The following SMYD3 variants were observed in gnomAD, a reference collection of about 807,000 sequenced individuals.
The protein encoded by SMYD3 is histone-lysine N-methyltransferase SMYD3.
SMYD3 carries 36 observed loss-of-function variants against 57.7 expected under a neutral mutation model. That is an observed-to-expected ratio of 0.62 (90% CI 0.48 to 0.82). The LOEUF (loss-of-function observed/expected upper bound fraction) is 0.82. Ranked by LOEUF, SMYD3 falls within the 40% of genes least tolerant of loss-of-function variation. The probability of loss-of-function intolerance (pLI) is 0.00; values close to 1 mark genes in which losing one functional copy is unlikely to be tolerated. For missense variants in SMYD3, 515 were observed against 538.8 expected (o/e 0.96, Z 0.44); for synonymous variants, 211 against 195.0 (o/e 1.08, Z -0.68).
chr1:246,387,056 G>A (rs1247125473), intron 1 of SMYD3, among the ~76,000 whole-genome samples: 1 of 152,104 alleles, frequency 6.6e-6, no homozygotes. Context: ...AATACAGCAA[G>A]CAGACTGCTT....
At chr1:246,444,382 C>T (rs1026833153) in intron 1 of SMYD3, among the ~76,000 whole-genome samples, 9 of 152,120 alleles carry the variant, frequency 5.9e-5, no homozygotes, top group East Asian at 1.9e-4. Flanking sequence ...CCTCGGCCTC[C>T]CAAAGTGCTG....
chr1:245,830,747 T>C (rs926200628), intron 10 of SMYD3, among the ~76,000 whole-genome samples: 3 of 152,180 alleles, frequency 2.0e-5, no homozygotes, highest in Non-Finnish European at 4.4e-5. Flanking sequence ...TACAGTTTGC[T>C]AGAGTGGCAC....
chr1:246,317,946 C>T (rs2065191690), intron 5 of SMYD3, among the ~76,000 whole-genome samples: 1 of 152,112 alleles, frequency 6.6e-6, no homozygotes, highest in African/African-American at 2.4e-5. Context: ...AGTTATTCAT[C>T]ATTCCTTGAA....
intron 1 of SMYD3, among the ~76,000 whole-genome samples, chr1:246,387,184 C>T (rs1313089397): frequency 1.3e-5 from 2 of 152,150 alleles, no homozygotes; most frequent in African/African-American, 4.8e-5. Context: ...CCGCATGAGG[C>T]AACGTACTTA....
intron 5 of SMYD3, among the ~76,000 whole-genome samples, chr1:246,205,001 C>T (rs12086621): frequency 0.13 from 20,133 of 152,126 alleles, 3,477 homozygotes; most frequent in African/African-American, 0.39. Context: ...TCCTGAGATA[C>T]CAGTGTGCTG....
At chr1:245,752,147 A>G (rs2045412332) in intron 11 of SMYD3, among the ~76,000 whole-genome samples, 1 of 152,050 alleles carries the variant, frequency 6.6e-6, no homozygotes, top group Non-Finnish European at 1.5e-5. Flanking sequence ...ACTTGAAAGC[A>G]CTCTTAGATG....
intron 1 of SMYD3, among the ~76,000 whole-genome samples, chr1:246,389,910 T>A (rs1367617501): frequency 1.3e-5 from 2 of 152,176 alleles, no homozygotes; most frequent in African/African-American, 4.8e-5. Context: ...GCTTCTACCC[T>A]ACACTCAGCT....
chr1:245,936,233 A>C (rs1233637889), intron 5 of SMYD3, among the ~76,000 whole-genome samples: 2 of 152,240 alleles, frequency 1.3e-5, no homozygotes, highest in African/African-American at 4.8e-5. Context: ...TAAAATGATA[A>C]TTCTATAAAT....
At chr1:245,869,889 C>A (rs1002332760) in intron 8 of SMYD3, among the ~76,000 whole-genome samples, 2 of 152,306 alleles carry the variant, frequency 1.3e-5, no homozygotes. Context: ...ACAGCCCCTG[C>A]TGTACTCTAT....
At chr1:246,506,454 T>C in intron 1 of SMYD3, among the ~76,000 whole-genome samples, 1 of 152,186 alleles carries the variant, frequency 6.6e-6, no homozygotes, top group Non-Finnish European at 1.5e-5. Context: ...ATTTCAGCCC[T>C]TCTGGTACAC....
intron 1 of SMYD3, among the ~76,000 whole-genome samples, chr1:246,364,281 T>G (rs547231728): frequency 3.1e-4 from 47 of 151,036 alleles, no homozygotes; most frequent in African/African-American, 1.1e-3. Context: ...ATGGTAAAAT[T>G]CACAGTGACA....
intron 5 of SMYD3, among the ~76,000 whole-genome samples, chr1:246,029,458 G>T (rs1383322173): frequency 6.6e-6 from 1 of 152,040 alleles, no homozygotes; most frequent in African/African-American, 2.4e-5. Flanking sequence ...GATCACCTGA[G>T]GTCAGGAGTT....
At chr1:246,124,332 T>C (rs2061472025) in intron 5 of SMYD3, among the ~76,000 whole-genome samples, 1 of 150,462 alleles carries the variant, frequency 6.6e-6, no homozygotes, top group African/African-American at 2.5e-5. Flanking sequence ...TCCAAATGAA[T>C]GAATGAATGA....
chr1:246,391,104 A>T (rs1197055951), intron 1 of SMYD3, among the ~76,000 whole-genome samples: 1 of 151,900 alleles, frequency 6.6e-6, no homozygotes, highest in Non-Finnish European at 1.5e-5. Context: ...AGCAAGCTTC[A>T]GCTGGGTGCG....
chr1:246,325,021 GGGAAGGAGGGAGAAGGAGTCGGGGGGCA>G lies in SMYD3; in HGVS notation c.531+2152_531+2179del, dbSNP rs1558402049. Among the ~76,000 whole-genome samples the G allele has an allele frequency of 7.2e-4, 27 of 37,286 alleles. 2 individuals are homozygous for G. Among genetic ancestry groups the G allele is most frequent in the East Asian group, 2.5e-3 (2 of 794 alleles). 24.5% of individuals were successfully genotyped at this position (37,286 alleles called of 152,430 possible). A position where few individuals can be genotyped will look rare whatever the true frequency, so the allele number is the denominator to read the frequency against. On this transcript the variant is annotated intron_variant, in intron 5 of 11. Coordinates refer to ENST00000490107, the MANE Select transcript of SMYD3 (RefSeq NM_001167740.2). Reference sequence around the variant, plus strand: ...AGGAGGGAGAAGGAGTCGGGGGAGCGGGAAGGAGGGAGAAGGAGTCGGGGGGCAGGAAGGAGGGAGAAGGAGTCGCGGG... The same window carrying G: ...AGGAGGGAGAAGGAGTCGGGGGAGCGGGAAGGAGGGAGAAGGAGTCGCGGG...
intron 1 of SMYD3, among the ~76,000 whole-genome samples, chr1:246,384,653 T>A (rs60016752): frequency 0.044 from 6,735 of 152,256 alleles, 209 homozygotes; most frequent in Middle Eastern, 0.092. Flanking sequence ...CGCCTCGGCC[T>A]CCCAAAGTGC....
rs1192054829 is a variant in SMYD3 at position 246,252,413 on chromosome 1, C to T, written c.531+74788G>A. Among the ~76,000 whole-genome samples the T allele has an allele frequency of 2.0e-5, 3 of 152,186 alleles. No homozygotes were observed. The East Asian group carries it at 5.8e-4, about 29-fold the overall frequency. ...AGAAACTGTTATTATAACCATTTGA[C>T]AGATAAAAACACTAAAGCACACGGA... On this transcript the variant is annotated intron_variant, in intron 5 of 11. Coordinates refer to ENST00000490107, the MANE Select transcript of SMYD3 (RefSeq NM_001167740.2).
chr1:245,812,778 G>A (rs1034263743), intron 10 of SMYD3, among the ~76,000 whole-genome samples: 3 of 151,580 alleles, frequency 2.0e-5, no homozygotes, highest in Non-Finnish European at 2.9e-5. Context: ...AGAAGAAAGG[G>A]GTCACTCACT....
chr1:246,153,593 C>T (rs1453415015), intron 5 of SMYD3, among the ~76,000 whole-genome samples: 2 of 152,112 alleles, frequency 1.3e-5, no homozygotes, highest in African/African-American at 4.8e-5. Flanking sequence ...TTAGCCTCCC[C>T]AGAAGCTGCG....
Sources: gnomAD v4.1 joint callset for allele counts (sites outside exome capture counted in the v4.1 genomes callset) on GRCh38, gnomAD v4.1.1 for gene constraint, MANE v1.5 for transcripts, NCBI Gene and HGNC (gene_info 2026-07-23, HGNC 2026-07-21) for gene names.